Variants in NBPF12 observed in about 807,000 individuals in gnomAD.
NBPF12 encodes NBPF family member NBPF12.
In NBPF12, 115 loss-of-function variants were observed where a neutral mutation model predicts 146.4. That is an observed-to-expected ratio of 0.79 (90% CI 0.68 to 0.92). The LOEUF is 0.92. Ranked by LOEUF, NBPF12 falls within the 40% of genes least tolerant of loss-of-function variation. NBPF12 has a pLI of 0.00. For synonymous variants in NBPF12, 385 were observed against 508.9 expected, an observed-to-expected ratio of 0.76 and a Z score of 3.28; for missense variants, 1,205 against 1,326.8, an observed-to-expected ratio of 0.91 and a Z score of 1.43.
chr1:146,955,030 A>C (rs1156866201), intron 2 of NBPF12, among the ~76,000 whole-genome samples: 1 of 113,030 alleles, frequency 8.8e-6, no homozygotes, highest in Non-Finnish European at 1.8e-5. Flanking sequence ...ACACACACAT[A>C]TATATATTGC....
rs1656435206 is a variant in NBPF12, at chr1:146,969,476, GA to G, written c.1187del (p.Glu396GlyfsTer118). 1.5e-6 allele frequency: 2 copies of G among 1,305,882 alleles called. No homozygotes were observed. Among genetic ancestry groups the G allele is most frequent in the African/African-American group, 3.0e-5 (2 of 66,090 alleles). 80.9% of individuals were successfully genotyped at this position (1,305,882 alleles called of 1,614,324 possible). ...GAGAGATGCCTCCCGCTCATTGAAT[GA>G]GCATCTCCAGGCCCTCCTCACTCCG... On this transcript the variant is annotated frameshift_variant, in exon 11 of 34. Coordinates refer to ENST00000617844, the Ensembl canonical transcript of NBPF12. LOFTEE classifies it high-confidence loss of function.
chr1:146,964,536 G>A, intron 7 of NBPF12, 107 bp downstream of exon 10: 2 of 1,559,496 alleles, frequency 1.3e-6, no homozygotes, highest in Non-Finnish European at 1.8e-6. Flanking sequence ...GCATTCCCTT[G>A]GCCACAGTAT....
chr1:146,964,261 C>T (rs1656048737), intron 6 of NBPF12, 96 bp from the exon 10 acceptor site: 1 of 1,554,164 alleles, frequency 6.4e-7, no homozygotes, highest in South Asian at 1.1e-5. Flanking sequence ...CAATGCTGAA[C>T]CATACATAGA....
intron 2 of NBPF12, among the ~76,000 whole-genome samples, chr1:146,954,242 TTAGC>T (rs1273027623): frequency 1.4e-5 from 2 of 146,262 alleles, no homozygotes; most frequent in Non-Finnish European, 3.0e-5. Context: ...ATACAAAAAA[TTAGC>T]TAGGCGTGGT....
At chr1:146,992,462 C>CTCTCTGTGTGTGTG (rs1450490306) in intron 31 of NBPF12, among the ~76,000 whole-genome samples, 2 of 66,254 alleles carry the variant, frequency 3.0e-5, no homozygotes, top group Non-Finnish European at 5.5e-5. Flanking sequence ...CTCTCTCTCT[C>CTCTCTGTGTGTGTG]TGTGTGTGTG....
chr1:146,978,651 T>C (rs4098498), intron 18 of NBPF12, among the ~76,000 whole-genome samples: 46,684 of 148,606 alleles, frequency 0.31, 8,097 homozygotes, highest in Admixed American at 0.43. Flanking sequence ...TGCAGCAACA[T>C]TCTTAGAAAA....
intron 14 of NBPF12, 96 bp downstream of exon 17, chr1:146,973,056 C>A (rs1656757621): frequency 2.8e-6 from 2 of 712,710 alleles, no homozygotes; most frequent in Non-Finnish European, 5.1e-6. Flanking sequence ...ATAATGTCAT[C>A]CTCCCCATAC....
rs1334649826 is a variant in NBPF12 at position 146,966,363 on chromosome 1, A to G, written c.779-101A>G. 1.6e-5 allele frequency: 17 copies of G among 1,055,422 alleles called. No homozygotes were observed. The African/African-American group carries it at 1.7e-4, about 11-fold the overall frequency. The allele number at this position is 1,055,422 out of a possible 1,614,324, so 65.4% of individuals were successfully genotyped here. A position where few individuals can be genotyped will look rare whatever the true frequency, so the allele number is the denominator to read the frequency against. The stretch of plus-strand genomic sequence containing the variant: ...GAAACCAGGGAAACATCATCTTCGA[A>G]TAAGTACACAAGGCTGCCAGTGACA... On this transcript the variant is annotated intron_variant, in intron 8 of 33. Coordinates refer to ENST00000617844, the Ensembl canonical transcript of NBPF12.
At chr1:146,949,355 C>T in exon 1 of NBPF12, 1 of 138,624 alleles carries the variant, frequency 7.2e-6, no homozygotes, top group South Asian at 2.8e-4. Flanking sequence ...AGCCACACTC[C>T]TCAAGTGCCT....
At position 146,953,135 on chromosome 1, in the gene NBPF12, A is replaced by G. The variant is rs1553884056; in HGVS notation, c.-184+1646A>G. Among the ~76,000 whole-genome samples the G allele has an allele frequency of 1.1e-4, 15 of 132,112 alleles. 3 individuals are homozygous for G. The highest frequency in any genetic ancestry group is 4.5e-4 in the African/African-American group (15 of 33,490). 86.7% of individuals were successfully genotyped at this position (132,112 alleles called of 152,430 possible). On this transcript the variant is annotated intron_variant, in intron 2 of 33. Coordinates refer to ENST00000617844, the Ensembl canonical transcript of NBPF12. ...TGCTGTCAGAACAACAGGATTCTGG[A>G]AGAGTCTCAGAGGACAGGCCGTGGG...
intron 1 of NBPF12, among the ~76,000 whole-genome samples, chr1:146,942,959 G>A (rs1654873227): frequency 7.1e-6 from 1 of 141,128 alleles, no homozygotes; most frequent in African/African-American, 2.7e-5. Context: ...CTGGAGTGCA[G>A]TGGTGCCATC....
chr1:146,964,493 C>A (rs1405995303), intron 7 of NBPF12, 64 bp downstream of exon 10: 9 of 1,589,818 alleles, frequency 5.7e-6, no homozygotes, highest in African/African-American at 4.1e-5. Context: ...AGAAGGCACA[C>A]CCTCTCTGGC....
intron 4 of NBPF12, among the ~76,000 whole-genome samples, chr1:146,961,516 A>G (rs1655848330): frequency 6.6e-6 from 1 of 152,300 alleles, no homozygotes; most frequent in East Asian, 1.9e-4. Context: ...ATGTTTCTAA[A>G]TTAACACAAA....
At chr1:146,956,025 C>A (rs1421114163) in intron 2 of NBPF12, among the ~76,000 whole-genome samples, 1 of 151,376 alleles carries the variant, frequency 6.6e-6, no homozygotes, top group Non-Finnish European at 1.5e-5. Flanking sequence ...ACCACTCAGT[C>A]GCTACTGAAA....
chr1:146,944,910 TCCTC>T (rs1570810796), upstream of NBPF12, among the ~76,000 whole-genome samples: 4 of 71,664 alleles, frequency 5.6e-5, no homozygotes, highest in Non-Finnish European at 8.5e-5. Context: ...CTTCCTCCCT[TCCTC>T]CCTCCCTCCC....
At chr1:146,938,953 T>G (rs1654652013) in exon 1 of NBPF12, 1 of 152,066 alleles carries the variant, frequency 6.6e-6, no homozygotes, top group Non-Finnish European at 1.5e-5. Context: ...AAGTTCAAGT[T>G]TACTGCGAAG....
chr1:146,948,123 G>T (rs1160872235), upstream of NBPF12, among the ~76,000 whole-genome samples: 3 of 150,156 alleles, frequency 2.0e-5, no homozygotes, highest in Non-Finnish European at 4.4e-5. Flanking sequence ...TGATTCTCCT[G>T]CCTCGGCCTC....
chr1:146,975,498 A>T (rs1656933515), intron 15 of NBPF12, among the ~76,000 whole-genome samples, 179 bp from the exon 19 acceptor site: 1 of 148,900 alleles, frequency 6.7e-6, no homozygotes, highest in Non-Finnish European at 1.5e-5. Context: ...TCTGATACAG[A>T]GGAAGCCTGT....
At chr1:146,992,589 C>T in intron 31 of NBPF12, 123 bp from the exon 35 acceptor site, 1 of 673,746 alleles carries the variant, frequency 1.5e-6, no homozygotes, top group East Asian at 2.9e-5. Flanking sequence ...TTTGTTACCT[C>T]ATTAATGGAT....
Sources: allele counts gnomAD v4.1 joint callset (sites outside exome capture counted in the v4.1 genomes callset), GRCh38; gene constraint gnomAD v4.1.1; transcripts MANE v1.5; gene names NCBI Gene and HGNC (gene_info 2026-07-23, HGNC 2026-07-21).